ZNF566: variants seen among roughly 807,000 people sequenced by gnomAD.
ZNF566 encodes the protein zinc finger protein 566.
In ZNF566, 27 loss-of-function variants were observed where a neutral mutation model predicts 32.8. That is an observed-to-expected ratio of 0.82 (90% confidence interval 0.61 to 1.14). ZNF566 has a LOEUF of 1.14. Ranked by LOEUF, ZNF566 falls within the 50% of genes most tolerant of loss-of-function variation. The pLI, the probability that ZNF566 is intolerant of heterozygous loss-of-function variation, is 0.00. For synonymous variants in ZNF566, 154 were observed against 159.5 expected (o/e 0.97, Z 0.26); for missense variants, 402 against 490.4 (o/e 0.82, Z 1.70).
chr19:36,476,338 A>G, intron 2 of ZNF566: 2 of 424,740 alleles, frequency 4.7e-6, no homozygotes, highest in Middle Eastern at 1.3e-3. Context: ...ATTTTCTAAC[A>G]ATGATTATGT....
At chr19:36,460,741 A>G (rs986692485) in intron 4 of ZNF566, among the ~76,000 whole-genome samples, 5 of 152,196 alleles carry the variant, frequency 3.3e-5, no homozygotes, top group African/African-American at 1.2e-4. Flanking sequence ...ATAAACCCAA[A>G]GAAATCCATA....
rs2032988261 is a variant in ZNF566, at chr19:36,446,207, GA to G, written c.*2769del. ...CACAACCTTTAAATATTATTCAGAA[GA>G]AAATTGACAGAGGGGAGGGAATGAG... On this transcript the variant is annotated 3_prime_UTR_variant, in exon 5 of 5. Transcript: ENST00000452939. 6.6e-6 allele frequency: 1 copy of G among 150,458 alleles called. No homozygotes were observed. Among genetic ancestry groups the G allele is most frequent in the Non-Finnish European group, 1.5e-5 (1 of 67,718 alleles). The allele number at this position is 150,458 out of a possible 1,614,324, so 9.3% of individuals were successfully genotyped here.
rs1230825911 is a variant in ZNF566, at chr19:36,446,742, G to A, written c.*2235C>T. 1.1e-4 allele frequency: 16 copies of A among 152,148 alleles called. No homozygotes were observed. The highest frequency in any genetic ancestry group is 2.2e-4 in the Non-Finnish European group (15 of 68,038). 9.4% of individuals were successfully genotyped at this position (152,148 alleles called of 1,614,324 possible). On this transcript the variant is annotated 3_prime_UTR_variant, in exon 5 of 5. Coordinates refer to ENST00000452939, the MANE Select transcript of ZNF566 (RefSeq NM_001145344.1). ...TTTTTAGTAATTCTCTCATTTGCAG[G>A]TATTTTTGCTCACTCTACTTTTCTC...
chr19:36,477,526 G>GTTTTTTTT (rs767741591), intron 1 of ZNF566, among the ~76,000 whole-genome samples: 1,469 of 106,716 alleles, frequency 0.014, 295 homozygotes, highest in Non-Finnish European at 0.019. Flanking sequence ...TTCTGTTTCT[G>GTTTTTTTT]TTTTTTTTTT....
At chr19:36,473,486 C>A (rs1484273505) in intron 2 of ZNF566, 28 bp from the exon 3 acceptor site, 2 of 1,499,958 alleles carry the variant, frequency 1.3e-6, no homozygotes, top group South Asian at 1.4e-5. Flanking sequence ...TATATGACTT[C>A]ATTAATTTTT....
chr19:36,468,185 C>CA lies in ZNF566; in HGVS notation c.232+4725dup, dbSNP rs34868021. On this transcript the variant is annotated intron_variant, in intron 4 of 4. Transcript: ENST00000452939. ...GGGCAACAAGAGTGAAACTCTGCCT[C>CA]AAAAAAAAAAAAAAAAAAAATTAAA... 1.6e-3 allele frequency among the ~76,000 whole-genome samples: 158 copies of CA among 101,504 alleles called. 1 individual carries two copies. Among genetic ancestry groups the CA allele is most frequent in the East Asian group, 2.7e-3 (8 of 3,012 alleles). 66.6% of individuals were successfully genotyped at this position (101,504 alleles called of 152,430 possible).
intron 4 of ZNF566, among the ~76,000 whole-genome samples, chr19:36,459,944 C>A (rs1172224902): frequency 1.3e-5 from 2 of 151,612 alleles, no homozygotes; most frequent in Admixed American, 6.6e-5. Context: ...TCTCAGCCTC[C>A]CAAGTAGCTG....
Position 36,469,375 on chromosome 19 carries a change from G to T in ZNF566, c.232+3536C>A, listed in dbSNP as rs1248636696. ...CAACCTGGTGAAACCCCATCTCTAT[G>T]AAAAATACAAAAAAATTTGCCAGGC... On this transcript the variant is annotated intron_variant, in intron 4 of 4. Transcript: ENST00000452939. Among the ~76,000 whole-genome samples, 441 of 150,300 alleles carry T rather than the reference G, an allele frequency of 2.9e-3. 3 individuals carry two copies. Among genetic ancestry groups the T allele is most frequent in the African/African-American group, 0.011 (427 of 39,816 alleles).
At chr19:36,475,434 A>G (rs1473063355) in intron 2 of ZNF566, among the ~76,000 whole-genome samples, 1 of 152,166 alleles carries the variant, frequency 6.6e-6, no homozygotes, top group Admixed American at 6.5e-5. Flanking sequence ...GTTAACCAGG[A>G]GACCTTGCCA....
rs571340045 is a variant in ZNF566 at position 36,486,248 on chromosome 19, G to C, written c.-60+3238C>G. Among the ~76,000 whole-genome samples, 15 of 152,140 alleles carry C rather than the reference G, an allele frequency of 9.9e-5. No individual in the cohort carries two copies. The East Asian group carries it at 2.9e-3, about 29-fold the overall frequency. On this transcript the variant is annotated intron_variant, in intron 1 of 4. Transcript: ENST00000452939. ...GATCCTGAAACAGTAAGAAAATTTA[G>C]CAAAATTTGAAAAAGGGCTCTAACT... is the stretch of plus-strand genomic sequence containing the variant.
intron 4 of ZNF566, among the ~76,000 whole-genome samples, chr19:36,472,227 CTATA>C: frequency 6.6e-6 from 1 of 152,234 alleles, no homozygotes; most frequent in South Asian, 2.1e-4. Flanking sequence ...TTCCAACCCT[CTATA>C]TAAAGTCAAT....
At chr19:36,453,609 G>A (rs1321255135) in intron 4 of ZNF566, among the ~76,000 whole-genome samples, 2 of 151,338 alleles carry the variant, frequency 1.3e-5, no homozygotes, top group Non-Finnish European at 2.9e-5. Context: ...CATCAATAAT[G>A]TAATGTGGGT....
chr19:36,473,271 C>A, intron 3 of ZNF566, 61 bp downstream of exon 3: 1 of 1,595,674 alleles, frequency 6.3e-7, no homozygotes, highest in South Asian at 1.1e-5. Flanking sequence ...GAGCATTTCA[C>A]ATTGGAGGAA....
chr19:36,446,269 CT>C lies in ZNF566; in HGVS notation c.*2707del, dbSNP rs35019644. 36,468 of 131,050 alleles carry C rather than the reference CT, an allele frequency of 0.28. 4,257 individuals carry two copies. Among genetic ancestry groups the C allele is most frequent in the Non-Finnish European group, 0.31 (19,268 of 61,268 alleles). 8.1% of individuals were successfully genotyped at this position (131,050 alleles called of 1,614,324 possible). ...GGGCAAAGATAATCATTTTTTCTTT[CT>C]TTTTTTTTTTTTTTTTTGAGACAGA... On this transcript the variant is annotated 3_prime_UTR_variant, in exon 5 of 5. Coordinates refer to ENST00000452939, the MANE Select transcript of ZNF566 (RefSeq NM_001145344.1).
Position 36,472,972 on chromosome 19 carries a change from G to A in ZNF566, c.171C>T (p.Tyr57=). The A allele has an allele frequency of 6.2e-7, 1 of 1,613,992 alleles. No individual in the cohort carries two copies. The highest frequency in any genetic ancestry group is 8.5e-7 in the Non-Finnish European group (1 of 1,179,974). The change falls in exon 4 of 5, where the codon TAC becomes TAT. Residue 57 remains tyrosine (Y), a synonymous_variant. Transcript: ENST00000452939. ...ACCAGGGCTCCTTCCCTTGCTCCAA[G>A]TAGGAGATCACATTTGGTTTAGAAA... The part of the protein sequence containing the change: ...HSISKPNVIS[Y]LEQGKEPWLA...
chr19:36,449,753 G>A lies in ZNF566; in HGVS notation c.481C>T (p.Gln161Ter), dbSNP rs2033098548. The change falls in exon 5 of 5, where the codon CAG becomes TAG. Residue 161 changes from glutamine (Q) to a stop codon, truncating the protein, a stop_gained. Coordinates refer to ENST00000452939, the MANE Select transcript of ZNF566 (RefSeq NM_001145344.1). LOFTEE classifies it high-confidence loss of function. The stretch of plus-strand genomic sequence containing the variant: ...TTCTTTTTACTGTTAATGATTTGCT[G>A]TAATGTGAAGGATGGATGGTGACTC... The part of the protein sequence containing the change: ...TLSHHPSFTL[Q>*]QIINSKKKFC... 2 of 1,614,156 alleles carry A rather than the reference G, an allele frequency of 1.2e-6. No individual in the cohort carries two copies. Among genetic ancestry groups the A allele is most frequent in the Non-Finnish European group, 8.5e-7 (1 of 1,180,020 alleles).
At chr19:36,457,151 G>A (rs905831363) in intron 4 of ZNF566, among the ~76,000 whole-genome samples, 2 of 152,078 alleles carry the variant, frequency 1.3e-5, no homozygotes, top group African/African-American at 4.8e-5. Context: ...CACACAATGG[G>A]GAAAAGACAG....
chr19:36,459,355 C>T (rs912110273), intron 4 of ZNF566, among the ~76,000 whole-genome samples: 3 of 152,038 alleles, frequency 2.0e-5, no homozygotes, highest in African/African-American at 7.2e-5. Flanking sequence ...ACTGGGATTA[C>T]AGGCATGAGA....
At position 36,449,063 on chromosome 19, in the gene ZNF566, T is replaced by C. The variant is rs1229022823; in HGVS notation, c.1171A>G (p.Ser391Gly). The change falls in exon 5 of 5, where the codon AGT becomes GGT. Residue 391 changes from serine (S) to glycine (G), a missense_variant. Ser to Gly is a moderately conservative substitution (Grantham distance 56). Around this residue, in one of 3 missense-constraint regions of ZNF566, gnomAD observed 47 missense variants for 38.5 expected, o/e 1.22. Coordinates refer to ENST00000452939, the MANE Select transcript of ZNF566 (RefSeq NM_001145344.1). ...TCCCTATATTCATAGGGTTTCTCAC[T>C]AGTATGAATTCTATGATGACTAATA... is the stretch of plus-strand genomic sequence containing the variant. ...QLISHHRIHT[S>G]EKPYEYRECG... 1 of 1,613,672 alleles carries C rather than the reference T, an allele frequency of 6.2e-7. No homozygotes were observed. The highest frequency in any genetic ancestry group is 1.1e-5 in the South Asian group (1 of 91,026).
Sources: allele counts gnomAD v4.1 joint callset (sites outside exome capture counted in the v4.1 genomes callset), GRCh38; gene constraint gnomAD v4.1.1; regional missense constraint gnomAD v4.1.1; transcripts MANE v1.5; gene names NCBI Gene and HGNC (gene_info 2026-07-23, HGNC 2026-07-21).